The following CDH12 variants were observed in gnomAD, a reference collection of about 807,000 sequenced individuals.
CDH12 encodes the protein cadherin 12.
CDH12 carries 41 observed loss-of-function variants against 74.1 expected under a neutral mutation model. That is an observed-to-expected ratio of 0.55 (90% confidence interval 0.43 to 0.72). The LOEUF (loss-of-function observed/expected upper bound fraction) is 0.72. Among genes scored for constraint, CDH12 ranks in the 30% least tolerant of loss-of-function variants. The probability of loss-of-function intolerance (pLI) is 0.00; values close to 1 mark genes in which losing one functional copy is unlikely to be tolerated. For missense variants in CDH12, 945 were observed against 977.2 expected, an observed-to-expected ratio of 0.97 and a Z score of 0.44; for synonymous variants, 399 against 355.0, an observed-to-expected ratio of 1.12 and a Z score of -1.39.
intron 13 of CDH12, among the ~76,000 whole-genome samples, chr5:21,757,773 A>ACC (rs1744485352): frequency 6.6e-6 from 1 of 152,172 alleles, no homozygotes; most frequent in South Asian, 2.1e-4. Context: ...GGGTTTGGTG[A>ACC]ATGATGTGAC....
At chr5:22,268,061 T>C (rs1007743111) in intron 3 of CDH12, among the ~76,000 whole-genome samples, 3 of 152,118 alleles carry the variant, frequency 2.0e-5, no homozygotes, top group African/African-American at 7.2e-5. Flanking sequence ...TCCTTTGGAA[T>C]AATTAAAATA....
At chr5:22,130,955 T>C (rs1746148925) in intron 4 of CDH12, among the ~76,000 whole-genome samples, 1 of 151,938 alleles carries the variant, frequency 6.6e-6, no homozygotes, top group Non-Finnish European at 1.5e-5. Flanking sequence ...ATTTTGTTTC[T>C]GTCTTCTTTA....
At chr5:22,566,345 C>T (rs538920398) in intron 1 of CDH12, among the ~76,000 whole-genome samples, 1 of 151,574 alleles carries the variant, frequency 6.6e-6, no homozygotes, top group South Asian at 2.1e-4. Flanking sequence ...TCAAGTGATT[C>T]TCCTGCTTCA....
chr5:22,372,712 C>T (rs796147574), intron 3 of CDH12, among the ~76,000 whole-genome samples: 9 of 152,262 alleles, frequency 5.9e-5, no homozygotes, highest in African/African-American at 2.2e-4. Flanking sequence ...TAGCTGCCTT[C>T]CCACACTTCT....
chr5:22,782,910 C>T (rs2126353779), intron 1 of CDH12, among the ~76,000 whole-genome samples: 1 of 152,208 alleles, frequency 6.6e-6, no homozygotes, highest in East Asian at 1.9e-4. Flanking sequence ...TAAAAACTTT[C>T]ATTTACTTCT....
intron 1 of CDH12, among the ~76,000 whole-genome samples, chr5:22,507,640 T>A (rs952003219): frequency 3.3e-5 from 5 of 152,176 alleles, no homozygotes; most frequent in African/African-American, 1.2e-4. Flanking sequence ...TTCCAAGAAA[T>A]TCTAAGCCAT....
intron 1 of CDH12, among the ~76,000 whole-genome samples, chr5:22,834,691 T>C (rs186048289): frequency 6.6e-6 from 1 of 152,278 alleles, no homozygotes; most frequent in East Asian, 1.9e-4. Context: ...AGAAATGTAC[T>C]TACAACATCA....
intron 1 of CDH12, among the ~76,000 whole-genome samples, chr5:22,525,069 T>C (rs1400554200): frequency 6.6e-6 from 1 of 151,896 alleles, no homozygotes; most frequent in African/African-American, 2.4e-5. Context: ...GTTTGGTTTT[T>C]TGTCCTTGCG....
At position 22,596,112 on chromosome 5, in the gene CDH12, A is replaced by C. The variant is rs1002071931; in HGVS notation, c.-522-90748T>G. On this transcript the variant is annotated intron_variant, in intron 1 of 14. Transcript: ENST00000382254. ...GACAGAGCGTGACTCCGTCTCAAAA[A>C]AAATAAAAAAATAAAAAATAAAAAT... Among the ~76,000 whole-genome samples, 5 of 144,770 alleles carry C rather than the reference A, an allele frequency of 3.5e-5. No homozygotes were observed. In the South Asian group the frequency reaches 1.1e-3, roughly 32 times the overall value. 95.0% of individuals were successfully genotyped at this position (144,770 alleles called of 152,430 possible). A position where few individuals can be genotyped will look rare whatever the true frequency, so the allele number is the denominator to read the frequency against.
chr5:22,021,766 C>T (rs1301344652), intron 5 of CDH12, among the ~76,000 whole-genome samples: 2 of 152,114 alleles, frequency 1.3e-5, no homozygotes, highest in Admixed American at 6.6e-5. Flanking sequence ...CTTGATCAAT[C>T]CTAAATGCAG....
rs114082606 is a variant in CDH12 at position 22,791,177 on chromosome 5, G to A, written c.-523+61881C>T. ...CAATTACATAGCAGTTAAATTCTCC[G>A]GAAGTTTGTTTTCTCAAAACTCTAA... is the stretch of plus-strand genomic sequence containing the variant. On this transcript the variant is annotated intron_variant, in intron 1 of 14. Coordinates refer to ENST00000382254, the MANE Select transcript of CDH12 (RefSeq NM_004061.5). Among the ~76,000 whole-genome samples the A allele has an allele frequency of 4.8e-3, 738 of 152,200 alleles. 5 individuals are homozygous for A. Among genetic ancestry groups the A allele is most frequent in the African/African-American group, 0.017 (709 of 41,524 alleles).
intron 4 of CDH12, among the ~76,000 whole-genome samples, chr5:22,130,840 C>A (rs1025550943): frequency 1.3e-5 from 2 of 151,946 alleles, no homozygotes; most frequent in Non-Finnish European, 2.9e-5. Flanking sequence ...CATGCCCTCA[C>A]CATCTCAATC....
chr5:22,237,961 T>C (rs1752618600), intron 3 of CDH12, among the ~76,000 whole-genome samples: 1 of 152,222 alleles, frequency 6.6e-6, no homozygotes, highest in Non-Finnish European at 1.5e-5. Flanking sequence ...CTCCAAGTTA[T>C]GGCTAATATA....
intron 3 of CDH12, among the ~76,000 whole-genome samples, chr5:22,275,191 C>A (rs1736576941): frequency 6.6e-6 from 1 of 151,832 alleles, no homozygotes; most frequent in Admixed American, 6.6e-5. Context: ...GGCTTAAAAC[C>A]TAGATGATGG....
At chr5:22,579,380 T>G (rs2126780066) in intron 1 of CDH12, among the ~76,000 whole-genome samples, 1 of 152,284 alleles carries the variant, frequency 6.6e-6, no homozygotes, top group East Asian at 1.9e-4. Flanking sequence ...TTTTGTGCCC[T>G]TTTAGTCTTA....
At chr5:22,558,298 C>T (rs997827492) in intron 1 of CDH12, among the ~76,000 whole-genome samples, 4 of 151,980 alleles carry the variant, frequency 2.6e-5, no homozygotes, top group East Asian at 1.9e-4. Flanking sequence ...AGAACTGCCT[C>T]GACTGTCTCA....
intron 1 of CDH12, among the ~76,000 whole-genome samples, chr5:22,557,417 C>A (rs1184955552): frequency 6.6e-6 from 1 of 152,032 alleles, no homozygotes; most frequent in Non-Finnish European, 1.5e-5. Flanking sequence ...AACATTTGAG[C>A]AACGGATACA....
intron 4 of CDH12, among the ~76,000 whole-genome samples, chr5:22,171,794 C>T (rs1749045529): frequency 6.6e-6 from 1 of 151,786 alleles, no homozygotes; most frequent in South Asian, 2.1e-4. Context: ...TGTGTTTATC[C>T]CTTTGCTCAA....
At chr5:22,140,520 A>G (rs1030167117) in intron 4 of CDH12, among the ~76,000 whole-genome samples, 1 of 150,986 alleles carries the variant, frequency 6.6e-6, no homozygotes, top group African/African-American at 2.4e-5. Flanking sequence ...GCCTCTGTGC[A>G]TGTGTGTGTG....
Sources: gnomAD v4.1 joint callset for allele counts (sites outside exome capture counted in the v4.1 genomes callset) on GRCh38, gnomAD v4.1.1 for gene constraint, MANE v1.5 for transcripts, NCBI Gene and HGNC (gene_info 2026-07-23, HGNC 2026-07-21) for gene names.